The following UBR4 variants were observed in gnomAD, a reference collection of about 807,000 sequenced individuals.
UBR4 encodes E3 ubiquitin-protein ligase UBR4.
Under a neutral mutation model 575.6 loss-of-function variants are expected in UBR4, and 124 were observed. The observed-to-expected ratio is 0.22, with a 90% confidence interval of 0.19 to 0.25. UBR4 has a LOEUF of 0.25. Ranked by LOEUF, UBR4 falls within the 10% of genes least tolerant of loss-of-function variation. The pLI, the probability that UBR4 is intolerant of heterozygous loss-of-function variation, is 1.00. For missense variants in UBR4, 4,818 were observed against 6,478.8 expected (o/e 0.74, Z 8.80); for synonymous variants, 2,455 against 2,473.7 (o/e 0.99, Z 0.22).
chr1:19,208,296 T>C (rs2093110692), intron 1 of UBR4, among the ~76,000 whole-genome samples: 1 of 151,982 alleles, frequency 6.6e-6, no homozygotes, highest in Non-Finnish European at 1.5e-5. Flanking sequence ...TGAAACCTCA[T>C]CTCTACTTAA....
chr1:19,100,281 GT>G lies in UBR4; in HGVS notation c.13221+94del. 7.1e-7 allele frequency: 1 copy of G among 1,414,740 alleles called. No homozygotes were observed. The highest frequency in any genetic ancestry group is 9.9e-7 in the Non-Finnish European group (1 of 1,014,664). The allele number at this position is 1,414,740 out of a possible 1,614,324, so 87.6% of individuals were successfully genotyped here. Reference sequence around the variant, plus strand: ...AGAAACTGAAGGCCACCTGCCCCAAGTTAATCAGCTACTAGGAAGAAGCACC... The same window carrying G: ...AGAAACTGAAGGCCACCTGCCCCAAGTAATCAGCTACTAGGAAGAAGCACC... On this transcript the variant is annotated intron_variant, in intron 89 of 105. Transcript: ENST00000375254. The surrounding 1 kb of genome is among the most constrained non-coding windows in gnomAD (Gnocchi z 4.2).
rs145183486 is a variant in UBR4 at position 19,122,213 on chromosome 1, G to A, written c.9817-201C>T. Among the ~76,000 whole-genome samples, 488 of 152,254 alleles carry A rather than the reference G, an allele frequency of 3.2e-3. 1 individual carries two copies. The highest frequency in any genetic ancestry group is 0.011 in the African/African-American group (470 of 41,550). The stretch of plus-strand genomic sequence containing the variant: ...TGCTGCAACCGCTGCAGCTCTTACC[G>A]AACCTGCCTTTGTTCTACCCCATCC... On this transcript the variant is annotated intron_variant, in intron 66 of 105. Coordinates refer to ENST00000375254, the MANE Select transcript of UBR4 (RefSeq NM_020765.3).
chr1:19,113,729 G>C lies in UBR4; in HGVS notation c.11427C>G (p.Asn3809Lys). ...TGATTTTGGAGAGTTCATCAAAAGAGTTCTTGCAGTCTCCACAATACTCCT... is the reference window on the plus strand; with the variant it reads ...TGATTTTGGAGAGTTCATCAAAAGACTTCTTGCAGTCTCCACAATACTCCT... ...LAQEYCGDCK[N>K]SFDELSKIIQ... The change falls in exon 77 of 106, where the codon AAC becomes AAG. Residue 3809 changes from asparagine (N) to lysine (K), a missense_variant. Asn to Lys is a moderately conservative substitution (Grantham distance 94). This residue lies in a region of UBR4 where 333 missense variants were observed against 459.2 expected (regional missense o/e 0.73). Coordinates refer to ENST00000375254, the MANE Select transcript of UBR4 (RefSeq NM_020765.3). The C allele has an allele frequency of 6.2e-7, 1 of 1,614,196 alleles. No homozygotes were observed. Among genetic ancestry groups the C allele is most frequent in the South Asian group, 1.1e-5 (1 of 91,082 alleles).
In UBR4 at chr1:19,176,639, T is replaced by C; in HGVS notation, c.2726A>G (p.His909Arg). 2 of 1,614,080 alleles carry C rather than the reference T, an allele frequency of 1.2e-6. No homozygotes were observed. The highest frequency in any genetic ancestry group is 1.7e-6 in the Non-Finnish European group (2 of 1,180,008). ...NSRRATTPLY[H>R]GFKEVEENWS... ...GTTTTCTTCTACTTCTTTGAATCCA[T>C]GATAGAGAGGAGTGGTTGCCCGGCG... The change falls in exon 20 of 106, where the codon CAT (histidine) becomes CGT (arginine). Residue 909 changes from histidine (H) to arginine (R), a missense_variant. Physicochemically the swap from His to Arg is conservative, Grantham distance 29. This residue lies in a region of UBR4 where 1,172 missense variants were observed against 1,259.7 expected (regional missense o/e 0.93). Coordinates refer to ENST00000375254, the MANE Select transcript of UBR4 (RefSeq NM_020765.3).
Position 19,096,643 on chromosome 1 carries a change from T to C in UBR4, c.13398A>G (p.Glu4466=). The change falls in exon 92 of 106, where the codon GAA becomes GAG. Residue 4466 remains glutamate, a synonymous_variant. Transcript: ENST00000375254. ...TTTTATACACTTCTTCTTCATCTTCTTCTTCATCTAGGGGAGAAGGGAAGC... is the reference window on the plus strand; with the variant it reads ...TTTTATACACTTCTTCTTCATCTTCCTCTTCATCTAGGGGAGAAGGGAAGC... ...IESLDSTTDE[E]EDEEEVYKMA... 6.2e-7 allele frequency: 1 copy of C among 1,613,462 alleles called. No homozygotes were observed. Among genetic ancestry groups the C allele is most frequent in the Non-Finnish European group, 8.5e-7 (1 of 1,179,784 alleles).
In UBR4 at chr1:19,124,597, T is replaced by G. The variant is rs2081529574; in HGVS notation, c.9532A>C (p.Asn3178His). 4 of 1,614,216 alleles carry G rather than the reference T, an allele frequency of 2.5e-6. No individual in the cohort carries two copies. The highest frequency in any genetic ancestry group is 1.6e-4 in the Middle Eastern group (1 of 6,062). ...AAGACAGGAGGTGGGATTCGAGAAT[T>G]GGTGTCAGTAATCTTTTTGATTTGG... ...PYQIKKITDTNSRIPPPVFDH... is the reference protein window; with the variant it reads ...PYQIKKITDTHSRIPPPVFDH... Residue 3178 changes from asparagine (N) to histidine (H), a missense_variant, in exon 65 of 106, where the codon AAT becomes CAT. This residue lies in a region of UBR4 where 550 missense variants were observed against 791.5 expected (regional missense o/e 0.69). Coordinates refer to ENST00000375254, the MANE Select transcript of UBR4 (RefSeq NM_020765.3).
chr1:19,190,564 G>A (rs563044135), intron 11 of UBR4, among the ~76,000 whole-genome samples: 2 of 151,816 alleles, frequency 1.3e-5, no homozygotes, highest in South Asian at 2.1e-4. Flanking sequence ...CCAATATTAC[G>A]TTTTTATTTC....
chr1:19,181,257 C>A (rs66921123), intron 17 of UBR4, among the ~76,000 whole-genome samples: 1 of 151,630 alleles, frequency 6.6e-6, no homozygotes, highest in Non-Finnish European at 1.5e-5. Context: ...ACGGACCAGC[C>A]GGGCATGATG....
At chr1:19,170,726 T>C in intron 26 of UBR4, 36 bp downstream of exon 26, 1 of 1,614,014 alleles carries the variant, frequency 6.2e-7, no homozygotes, top group Non-Finnish European at 8.5e-7. Context: ...GTAGCTGTTG[T>C]AATAATATTA....
chr1:19,094,145 A>G lies in UBR4; in HGVS notation c.13747-6T>C. ...CCTGTCAGGAGGAGGTTGCCCTGCA[A>G]CAGAAAAGAGGGTGAACATGCCATT... On this transcript the variant is annotated splice_polypyrimidine_tract_variant and splice_region_variant and intron_variant, in intron 94 of 105. Coordinates refer to ENST00000375254, the MANE Select transcript of UBR4 (RefSeq NM_020765.3). 1 of 1,610,464 alleles carries G rather than the reference A, an allele frequency of 6.2e-7. No homozygotes were observed. Among genetic ancestry groups the G allele is most frequent in the Non-Finnish European group, 8.5e-7 (1 of 1,178,302 alleles).
chr1:19,174,405 G>C lies in UBR4; in HGVS notation c.2896C>G (p.Leu966Val), dbSNP rs960567228. 1 of 1,612,686 alleles carries C rather than the reference G, an allele frequency of 6.2e-7. No homozygotes were observed. Among genetic ancestry groups the C allele is most frequent in the Admixed American group, 1.7e-5 (1 of 60,010 alleles). Residue 966 changes from leucine (L) to valine (V), a missense_variant, in exon 22 of 106, where the codon CTT becomes GTT. Transcript: ENST00000375254. ...AGCAGGGCTGTCAGTGCAGCATAAA[G>C]CTCATCATACTTGACAAGCTTGGAG... Reference protein sequence around the residue: ...LFSKLVKYDELYAALTALLAA... With the variant: ...LFSKLVKYDEVYAALTALLAA...
At position 19,157,118 on chromosome 1, in the gene UBR4, G is replaced by A. The variant is rs1351453151; in HGVS notation, c.5761-193C>T. On this transcript the variant is annotated intron_variant, in intron 40 of 105. Coordinates refer to ENST00000375254, the MANE Select transcript of UBR4 (RefSeq NM_020765.3). This position sits in a 1 kb window ranked among gnomAD's most constrained non-coding sequence, Gnocchi z 4.4. ...AAAAGCTATGGAATGTATTTCCATG[G>A]AGGACAGAACAGGTAAGTAATGAAA... Among the ~76,000 whole-genome samples the A allele has an allele frequency of 6.6e-6, 1 of 152,188 alleles. No individual in the cohort carries two copies. The highest frequency in any genetic ancestry group is 2.4e-5 in the African/African-American group (1 of 41,442).
chr1:19,137,118 G>A (rs922527643), intron 60 of UBR4, among the ~76,000 whole-genome samples: 1 of 151,934 alleles, frequency 6.6e-6, no homozygotes, highest in Non-Finnish European at 1.5e-5. Context: ...TGGGCAACAG[G>A]GCAAAACTCC....
rs1404864557 is a variant in UBR4, at chr1:19,152,256, C to A, written c.6996+57G>T. 2 of 1,599,880 alleles carry A rather than the reference C, an allele frequency of 1.3e-6. No individual in the cohort carries two copies. Among genetic ancestry groups the A allele is most frequent in the Admixed American group, 1.7e-5 (1 of 59,518 alleles). ...TTCTAAAAGGAGATGTGTTCTCAAA[C>A]CATATTGTTTGAGTCCTTCTACCCA... On this transcript the variant is annotated intron_variant, in intron 47 of 105. Transcript: ENST00000375254. The surrounding 1 kb of genome is among the most constrained non-coding windows in gnomAD (Gnocchi z 4.4).
In UBR4 at chr1:19,110,091, A is replaced by G. The variant is rs370650705; in HGVS notation, c.12105+5T>C. On this transcript the variant is annotated splice_donor_5th_base_variant and intron_variant, in intron 81 of 105. Coordinates refer to ENST00000375254, the MANE Select transcript of UBR4 (RefSeq NM_020765.3). The surrounding 1 kb of genome is among the most constrained non-coding windows in gnomAD (Gnocchi z 4.5). ...TCCTTGTTAGACCCCTGCTTGGCCCAGTACCTTGTTCTTCTTGCTAGTGGG... is the reference window on the plus strand; with the variant it reads ...TCCTTGTTAGACCCCTGCTTGGCCCGGTACCTTGTTCTTCTTGCTAGTGGG... The G allele has an allele frequency of 3.1e-6, 5 of 1,613,952 alleles. No homozygotes were observed. Among genetic ancestry groups the G allele is most frequent in the Non-Finnish European group, 4.2e-6 (5 of 1,180,022 alleles).
At position 19,114,009 on chromosome 1, in the gene UBR4, C is replaced by A; in HGVS notation, c.11264G>T (p.Gly3755Val). Residue 3755 changes from glycine (G) to valine (V), a missense_variant, in exon 76 of 106, where the codon GGA becomes GTA. Gly to Val is a moderately radical substitution (Grantham distance 109). Coordinates refer to ENST00000375254, the MANE Select transcript of UBR4 (RefSeq NM_020765.3). ...CAGGTTCTCCAGCTGTGGCCGGTGT[C>A]CCATCAGCTGATGATACACTCGATC... is the stretch of plus-strand genomic sequence containing the variant. ...KADRVYHQLM[G>V]HRPQLENLLC... The A allele has an allele frequency of 6.2e-7, 1 of 1,614,220 alleles. No homozygotes were observed. Among genetic ancestry groups the A allele is most frequent in the Non-Finnish European group, 8.5e-7 (1 of 1,180,036 alleles).
chr1:19,100,637 C>T lies in UBR4; in HGVS notation c.13024-64G>A. ...AGAGGTGGAGATTTATACCATGCTA[C>T]CTTGTTCCATGGACACTCGAGGAAA... is the stretch of plus-strand genomic sequence containing the variant. On this transcript the variant is annotated intron_variant, in intron 88 of 105. Transcript: ENST00000375254. The surrounding 1 kb of genome is among the most constrained non-coding windows in gnomAD (Gnocchi z 4.2). 2 of 1,521,888 alleles carry T rather than the reference C, an allele frequency of 1.3e-6. No homozygotes were observed. The highest frequency in any genetic ancestry group is 1.8e-6 in the Non-Finnish European group (2 of 1,100,386). The allele number at this position is 1,521,888 out of a possible 1,614,324, so 94.3% of individuals were successfully genotyped here. A position where few individuals can be genotyped will look rare whatever the true frequency, so the allele number is the denominator to read the frequency against.
At chr1:19,171,562 T>G (rs2089540525) in intron 25 of UBR4, among the ~76,000 whole-genome samples, 1 of 152,176 alleles carries the variant, frequency 6.6e-6, no homozygotes, top group Non-Finnish European at 1.5e-5. Flanking sequence ...CCCACAGAGC[T>G]GGGCACGGTG....
chr1:19,192,941 C>T (rs538333566), intron 9 of UBR4, among the ~76,000 whole-genome samples: 1 of 152,154 alleles, frequency 6.6e-6, no homozygotes, highest in African/African-American at 2.4e-5. Flanking sequence ...CACCACCACA[C>T]CCAGCTAATT....
Sources: allele counts gnomAD v4.1 joint callset (sites outside exome capture counted in the v4.1 genomes callset), GRCh38; gene constraint gnomAD v4.1.1; regional missense constraint gnomAD v4.1.1; non-coding constraint Gnocchi (gnomAD v3.1); transcripts MANE v1.5; gene names NCBI Gene and HGNC (gene_info 2026-07-23, HGNC 2026-07-21).